The following MYO5B variants were observed in gnomAD, a reference collection of about 807,000 sequenced individuals.
MYO5B encodes the protein unconventional myosin-Vb.
A neutral mutation model predicts 229.3 loss-of-function variants in MYO5B; 143 were observed. The ratio of observed to expected loss-of-function variants is 0.62; its 90% CI spans 0.54 to 0.72. MYO5B has a LOEUF of 0.72. Ranked by LOEUF, MYO5B falls within the 30% of genes least tolerant of loss-of-function variation. The pLI, the probability that MYO5B is intolerant of heterozygous loss-of-function variation, is 0.00. For synonymous variants in MYO5B, 918 were observed against 885.2 expected (o/e 1.04, Z -0.66); for missense variants, 2,321 against 2,331.0 (o/e 1.00, Z 0.09).
chr18:50,111,979 A>T (rs1055151705), intron 1 of MYO5B, among the ~76,000 whole-genome samples: 6 of 152,222 alleles, frequency 3.9e-5, no homozygotes, highest in Non-Finnish European at 5.9e-5. Flanking sequence ...AGATCGCTGT[A>T]CTAATGGAGG....
intron 14 of MYO5B, among the ~76,000 whole-genome samples, chr18:49,938,165 A>G (rs2025271895): frequency 6.6e-6 from 1 of 152,194 alleles, no homozygotes; most frequent in Non-Finnish European, 1.5e-5. Context: ...ACATTATTGC[A>G]TCTTGTCAAG....
chr18:49,826,739 T>A, intron 39 of MYO5B, 116 bp from the exon 40 acceptor site: 1 of 1,259,126 alleles, frequency 7.9e-7, no homozygotes, highest in Non-Finnish European at 1.2e-6. Flanking sequence ...GACAATTAGG[T>A]AGAACTTCAG....
chr18:49,834,413 C>T (rs1282559200), intron 39 of MYO5B, among the ~76,000 whole-genome samples: 1 of 152,154 alleles, frequency 6.6e-6, no homozygotes, highest in South Asian at 2.1e-4. Context: ...CACAGGTAAT[C>T]ATGGGAGAAG....
In MYO5B at chr18:49,835,247, AT is replaced by A. The variant is rs35662044; in HGVS notation, c.5394+96del. 4.5e-5 allele frequency: 39 copies of A among 866,626 alleles called. No individual in the cohort carries two copies. The African/African-American group carries it at 5.8e-4, about 13-fold the overall frequency. The allele number at this position is 866,626 out of a possible 1,614,324, so 53.7% of individuals were successfully genotyped here. On this transcript the variant is annotated intron_variant, in intron 39 of 39. Coordinates refer to ENST00000285039, the MANE Select transcript of MYO5B (RefSeq NM_001080467.3). ...GTCTCCCAGCATATATGTAACCAGT[AT>A]TTTAGTAATAAAGAGAAGCAAGATT... is the stretch of plus-strand genomic sequence containing the variant.
At chr18:50,156,307 C>A (rs1038024697) in intron 1 of MYO5B, among the ~76,000 whole-genome samples, 2 of 152,152 alleles carry the variant, frequency 1.3e-5, no homozygotes, top group Admixed American at 1.3e-4. Context: ...GTGTCCCCAC[C>A]CAAATCTCAT....
chr18:50,191,110 A>G (rs2033220131), intron 1 of MYO5B, among the ~76,000 whole-genome samples: 1 of 152,240 alleles, frequency 6.6e-6, no homozygotes, highest in South Asian at 2.1e-4. Context: ...TCACATGCAT[A>G]CTGAGAAGCC....
At chr18:49,853,319 T>C (rs2024223209) in intron 31 of MYO5B, 130 bp downstream of exon 31, 4 of 916,708 alleles carry the variant, frequency 4.4e-6, no homozygotes, top group Non-Finnish European at 5.2e-6. Flanking sequence ...CGGAGACTTC[T>C]AGAATCTCTG....
In MYO5B at chr18:50,085,141, G is replaced by A. The variant is rs573504070; in HGVS notation, c.28-29763C>T. ...AGTGAACAGGCAACCTACAGAATGG[G>A]AGAAAATTTTTGCAACCTACTTATC... On this transcript the variant is annotated intron_variant, in intron 1 of 39. Transcript: ENST00000285039. Among the ~76,000 whole-genome samples the A allele has an allele frequency of 1.3e-3, 204 of 152,166 alleles. 1 individual carries two copies. The highest frequency in any genetic ancestry group is 9.1e-4 in the Non-Finnish European group (62 of 67,998).
intron 1 of MYO5B, among the ~76,000 whole-genome samples, chr18:50,080,789 G>C (rs963883217): frequency 6.6e-6 from 1 of 152,154 alleles, no homozygotes; most frequent in Non-Finnish European, 1.5e-5. Context: ...GTTCCCATAA[G>C]AGAACTTCAA....
chr18:49,928,998 T>A (rs1217537516), intron 17 of MYO5B, among the ~76,000 whole-genome samples: 1 of 152,162 alleles, frequency 6.6e-6, no homozygotes, highest in Non-Finnish European at 1.5e-5. Flanking sequence ...GATAAAAGAC[T>A]ATACATTAGG....
At chr18:49,875,394 G>GTCC (rs2024507239) in intron 26 of MYO5B, among the ~76,000 whole-genome samples, 1 of 152,098 alleles carries the variant, frequency 6.6e-6, no homozygotes, top group Admixed American at 6.6e-5. Flanking sequence ...ACACACCCTG[G>GTCC]TCCTCCTGGC....
At chr18:49,846,996 A>C in intron 33 of MYO5B, 150 bp downstream of exon 33, 1 of 886,364 alleles carries the variant, frequency 1.1e-6, no homozygotes, top group Non-Finnish European at 1.7e-6. Flanking sequence ...GGAGTGGAAG[A>C]TGGGGGCAGG....
At position 49,872,230 on chromosome 18, in the gene MYO5B, C is replaced by T. The variant is rs769316960; in HGVS notation, c.3540G>A (p.Ala1180=). The change falls in exon 27 of 40, where the codon GCG becomes GCA. Residue 1180 remains alanine, a splice_region_variant and synonymous_variant. Transcript: ENST00000285039. ...REQQDSKKVQ[A]EPPQTDIDLD... ...AATCTATGTCAGTCTGTGGTGGTTC[C>T]GCCTGCATGGATAGAGACACAAAGA... 2.0e-5 allele frequency: 33 copies of T among 1,614,018 alleles called. No individual in the cohort carries two copies. The East Asian group carries it at 2.9e-4, about 14-fold the overall frequency.
At chr18:49,952,253 T>C (rs2025438263) in intron 14 of MYO5B, among the ~76,000 whole-genome samples, 1 of 152,240 alleles carries the variant, frequency 6.6e-6, no homozygotes, top group Admixed American at 6.5e-5. Context: ...GAGAAATTAA[T>C]CTGCCATTTC....
rs776164173 is a variant in MYO5B, at chr18:49,895,046, C to T, written c.2940G>A (p.Arg980=). Residue 980 remains arginine, a synonymous_variant, in exon 22 of 40, where the codon AGG becomes AGA. Coordinates refer to ENST00000285039, the MANE Select transcript of MYO5B (RefSeq NM_001080467.3). ...QQSPGEDTSL[R]LQEEVESLRT... is the part of the protein sequence containing the mutation. ...GCAGGCTCTCCACCTCCTCCTGCAGCCTGAGGCTGGTGTCCTCACCTGGGC... is the reference window on the plus strand; with the variant it reads ...GCAGGCTCTCCACCTCCTCCTGCAGTCTGAGGCTGGTGTCCTCACCTGGGC... 1 of 1,614,118 alleles carries T rather than the reference C, an allele frequency of 6.2e-7. No individual in the cohort carries two copies. The highest frequency in any genetic ancestry group is 1.3e-5 in the African/African-American group (1 of 75,058).
intron 1 of MYO5B, among the ~76,000 whole-genome samples, chr18:50,149,824 T>A (rs868644074): frequency 6.6e-6 from 1 of 151,878 alleles, no homozygotes; most frequent in Non-Finnish European, 1.5e-5. Flanking sequence ...GAGCCAAAAT[T>A]GACAAATGGG....
chr18:50,017,249 C>T (rs546618711), intron 4 of MYO5B, among the ~76,000 whole-genome samples: 7 of 152,240 alleles, frequency 4.6e-5, no homozygotes, highest in East Asian at 1.9e-4. Context: ...TCCCGAGTGG[C>T]TGGGATTACA....
chr18:50,112,348 T>C (rs776873652), intron 1 of MYO5B, among the ~76,000 whole-genome samples: 3 of 151,998 alleles, frequency 2.0e-5, no homozygotes, highest in Non-Finnish European at 2.9e-5. Flanking sequence ...TAAGGATAAA[T>C]ATGGAATCCT....
intron 18 of MYO5B, among the ~76,000 whole-genome samples, chr18:49,910,402 C>A (rs569553524): frequency 6.6e-6 from 1 of 152,324 alleles, no homozygotes; most frequent in Non-Finnish European, 1.5e-5. Flanking sequence ...GGGCTACTTG[C>A]AGGCCCTGAA....
Sources: allele counts gnomAD v4.1 joint callset (sites outside exome capture counted in the v4.1 genomes callset), GRCh38; gene constraint gnomAD v4.1.1; transcripts MANE v1.5; gene names NCBI Gene and HGNC (gene_info 2026-07-23, HGNC 2026-07-21).